Variants in ZFYVE9 observed in about 807,000 individuals in gnomAD.
The protein encoded by ZFYVE9 is zinc finger FYVE domain-containing protein 9.
ZFYVE9 carries 43 observed loss-of-function variants against 126.7 expected under a neutral mutation model. That is an observed-to-expected ratio of 0.34 (90% confidence interval 0.27 to 0.44). The LOEUF (loss-of-function observed/expected upper bound fraction) is 0.44, where lower values mean the gene tolerates loss of function less well. ZFYVE9 is among the 20% of genes least tolerant of loss of function. The pLI, the probability that ZFYVE9 is intolerant of heterozygous loss-of-function variation, is 1.00. For missense variants in ZFYVE9, 1,476 were observed against 1,697.0 expected (o/e 0.87, Z 2.29); for synonymous variants, 521 against 597.4 (o/e 0.87, Z 1.87).
chr1:52,214,207 T>A (rs112164979), intron 1 of ZFYVE9, among the ~76,000 whole-genome samples: 5,523 of 152,188 alleles, frequency 0.036, 250 homozygotes, highest in African/African-American at 0.11. Context: ...CAGGCAGATC[T>A]CTTGAGGTCA....
rs1646421353 is a variant in ZFYVE9, at chr1:52,340,132, A to G, written c.3840A>G (p.Val1280=). 1.9e-6 allele frequency: 3 copies of G among 1,612,532 alleles called. No individual in the cohort carries two copies. The East Asian group carries it at 6.7e-5, about 36-fold the overall frequency. Residue 1280 remains valine (V), a synonymous_variant, in exon 17 of 19, where the codon GTA becomes GTG. Coordinates refer to ENST00000287727, the MANE Select transcript of ZFYVE9 (RefSeq NM_004799.4). ...TCCTTTGCCTCTATTTTAGTGTCGTAAGTCCTATAGATGGGAAGTCCATGG... is the reference window on the plus strand; with the variant it reads ...TCCTTTGCCTCTATTTTAGTGTCGTGAGTCCTATAGATGGGAAGTCCATGG... ...DDDKNVSKGV[V]SPIDGKSMET...
intron 11 of ZFYVE9, among the ~76,000 whole-genome samples, chr1:52,294,041 A>G (rs61240106): frequency 0.039 from 5,898 of 152,308 alleles, 302 homozygotes; most frequent in African/African-American, 0.12. Flanking sequence ...TTTACTTAAC[A>G]TACTGGAAGC....
intron 13 of ZFYVE9, among the ~76,000 whole-genome samples, chr1:52,316,368 C>G (rs1366075237): frequency 6.6e-6 from 1 of 150,564 alleles, no homozygotes; most frequent in Non-Finnish European, 1.5e-5. Context: ...GCCTGTAATC[C>G]CAGCTACTCG....
At chr1:52,184,966 C>A (rs920484391) in intron 1 of ZFYVE9, among the ~76,000 whole-genome samples, 1 of 152,090 alleles carries the variant, frequency 6.6e-6, no homozygotes, top group African/African-American at 2.4e-5. Context: ...CCAGTCTGGG[C>A]AGCATACTGA....
chr1:52,300,263 G>A (rs79047855), intron 12 of ZFYVE9, among the ~76,000 whole-genome samples: 1,886 of 152,228 alleles, frequency 0.012, 34 homozygotes, highest in African/African-American at 0.043. Flanking sequence ...CAACCATCTT[G>A]CTGATGTCAC....
chr1:52,283,780 G>A (rs936733774), intron 10 of ZFYVE9, among the ~76,000 whole-genome samples: 1 of 152,118 alleles, frequency 6.6e-6, no homozygotes. Flanking sequence ...ATCTGGATTA[G>A]GATAGTGGTT....
intron 1 of ZFYVE9, among the ~76,000 whole-genome samples, chr1:52,192,031 C>CT (rs34736381): frequency 0.77 from 112,240 of 146,120 alleles, 45,514 homozygotes; most frequent in Non-Finnish European, 0.89. Context: ...TTGGCAGGGG[C>CT]TTTTTTTTTT....
intron 13 of ZFYVE9, among the ~76,000 whole-genome samples, chr1:52,304,754 C>A (rs777978768): frequency 2.6e-5 from 4 of 151,660 alleles, no homozygotes; most frequent in Non-Finnish European, 5.9e-5. Flanking sequence ...ATGAGAATGA[C>A]CTCTGTGAAG....
At chr1:52,185,636 C>G (rs1420560919) in intron 1 of ZFYVE9, among the ~76,000 whole-genome samples, 2 of 151,988 alleles carry the variant, frequency 1.3e-5, no homozygotes, top group Admixed American at 1.3e-4. Flanking sequence ...AGAAAAGGCT[C>G]TTGATGGCCG....
intron 9 of ZFYVE9, among the ~76,000 whole-genome samples, chr1:52,280,903 G>A (rs2147816107): frequency 6.6e-6 from 1 of 152,032 alleles, no homozygotes; most frequent in African/African-American, 2.4e-5. Flanking sequence ...GGCTTTTGTT[G>A]TAATTACTTC....
intron 1 of ZFYVE9, among the ~76,000 whole-genome samples, chr1:52,177,948 T>G (rs1644654805): frequency 6.6e-6 from 1 of 151,748 alleles, no homozygotes; most frequent in Non-Finnish European, 1.5e-5. Flanking sequence ...AGTTTTGTTT[T>G]TTTTTTTTTT....
At chr1:52,316,195 A>G (rs1368926105) in intron 13 of ZFYVE9, among the ~76,000 whole-genome samples, 2 of 149,570 alleles carry the variant, frequency 1.3e-5, no homozygotes, top group Non-Finnish European at 3.0e-5. Context: ...AAAAAAGAAA[A>G]GAAACCACAG....
At chr1:52,178,739 A>T (rs1644665496) in intron 1 of ZFYVE9, among the ~76,000 whole-genome samples, 1 of 152,214 alleles carries the variant, frequency 6.6e-6, no homozygotes, top group African/African-American at 2.4e-5. Flanking sequence ...GAAGAAAACA[A>T]AGCCAGAGAC....
intron 1 of ZFYVE9, among the ~76,000 whole-genome samples, chr1:52,212,748 T>C (rs1389922583): frequency 6.6e-6 from 1 of 152,210 alleles, no homozygotes; most frequent in Non-Finnish European, 1.5e-5. Flanking sequence ...AAAGTATGAA[T>C]AAAAAGGGTT....
intron 1 of ZFYVE9, among the ~76,000 whole-genome samples, chr1:52,165,495 G>A (rs555202212): frequency 3.9e-5 from 6 of 152,178 alleles, no homozygotes; most frequent in Non-Finnish European, 7.3e-5. Context: ...GAAGGGAACA[G>A]AATAAATCAG....
chr1:52,339,606 A>T (rs1186351155), intron 16 of ZFYVE9, among the ~76,000 whole-genome samples: 3 of 152,144 alleles, frequency 2.0e-5, no homozygotes, highest in Admixed American at 2.0e-4. Flanking sequence ...TTCTTAATAA[A>T]TATTTATTAG....
chr1:52,289,968 A>C (rs540141843), intron 10 of ZFYVE9, among the ~76,000 whole-genome samples: 73 of 152,324 alleles, frequency 4.8e-4, no homozygotes, highest in African/African-American at 1.4e-3. Flanking sequence ...ATAATGAGTG[A>C]ATACCTTGAG....
intron 4 of ZFYVE9, chr1:52,253,728 C>T: frequency 1.2e-6 from 2 of 1,607,838 alleles, no homozygotes; most frequent in Admixed American, 1.7e-5. Context: ...TCTCATCTTG[C>T]AAACCAGGAT....
intron 1 of ZFYVE9, among the ~76,000 whole-genome samples, chr1:52,168,530 TTA>T (rs1207151250): frequency 5.1e-4 from 77 of 149,612 alleles, no homozygotes; most frequent in Non-Finnish European, 4.9e-4. Context: ...TTTTTTTTTT[TTA>T]AAAGCAACAG....
Sources: gnomAD v4.1 joint callset for allele counts (sites outside exome capture counted in the v4.1 genomes callset) on GRCh38, gnomAD v4.1.1 for gene constraint, MANE v1.5 for transcripts, NCBI Gene and HGNC (gene_info 2026-07-23, HGNC 2026-07-21) for gene names.